The following CR1 variants were observed in gnomAD, a reference collection of about 807,000 sequenced individuals.
CR1 encodes complement receptor type 1.
Under a neutral mutation model 187.3 loss-of-function variants are expected in CR1, and 116 were observed. The ratio of observed to expected loss-of-function variants is 0.62; its 90% CI spans 0.53 to 0.72. The LOEUF (loss-of-function observed/expected upper bound fraction) is 0.72. Among genes scored for constraint, CR1 ranks in the 30% least tolerant of loss-of-function variants. CR1 has a pLI of 0.00. For synonymous variants in CR1, 576 were observed against 747.1 expected (o/e 0.77, Z 3.73); for missense variants, 1,731 against 2,110.7 (o/e 0.82, Z 3.52).
At chr1:207,597,393 A>C (rs886289104) in intron 35 of CR1, among the ~76,000 whole-genome samples, 2 of 152,222 alleles carry the variant, frequency 1.3e-5, no homozygotes, top group African/African-American at 4.8e-5. Context: ...AAGGAGGCAC[A>C]AGACCTGTGC....
chr1:207,506,830 T>C lies in CR1; in HGVS notation c.401+17T>C, dbSNP rs1231406032. 1.3e-6 allele frequency: 2 copies of C among 1,587,586 alleles called. No homozygotes were observed. Among genetic ancestry groups the C allele is most frequent in the South Asian group, 2.2e-5 (2 of 90,080 alleles). On this transcript the variant is annotated intron_variant, in intron 3 of 46. Coordinates refer to ENST00000367049, the MANE Select transcript of CR1 (RefSeq NM_000651.6). Reference sequence around the variant, plus strand: ...TACTAAAGGGTGAGTTGGCATCTCTTGAACCAACATCTCTTGGTTCAAGAG... The same window carrying C: ...TACTAAAGGGTGAGTTGGCATCTCTCGAACCAACATCTCTTGGTTCAAGAG...
intron 35 of CR1, among the ~76,000 whole-genome samples, chr1:207,592,228 T>A (rs1183333484): frequency 6.6e-6 from 1 of 152,102 alleles, no homozygotes; most frequent in African/African-American, 2.4e-5. Flanking sequence ...CAGCAGCACA[T>A]CAAAAAGCTT....
chr1:207,497,147 C>A (rs773111256), intron 1 of CR1, among the ~76,000 whole-genome samples: 1 of 152,148 alleles, frequency 6.6e-6, no homozygotes, highest in Non-Finnish European at 1.5e-5. Context: ...GCAAGGGAAG[C>A]CCCAGAACAT....
At position 207,609,547 on chromosome 1, in the gene CR1, G is replaced by C; in HGVS notation, c.6154G>C (p.Val2052Leu). ...TAPEVENAIR[V>L]PGNRSFFTLT... ...TCCAGAAGTTGAAAATGCAATTAGA[G>C]TACCAGGAAACAGGAGTTTCTTTAC... Residue 2052 changes from valine (V) to leucine (L), a missense_variant, in exon 37 of 47, where the codon GTA becomes CTA. Physicochemically the swap from Val to Leu is conservative, Grantham distance 32. Coordinates refer to ENST00000367049, the MANE Select transcript of CR1 (RefSeq NM_000651.6). 6.2e-7 allele frequency: 1 copy of C among 1,613,908 alleles called. No homozygotes were observed. Among genetic ancestry groups the C allele is most frequent in the Admixed American group, 1.7e-5 (1 of 59,988 alleles).
At chr1:207,517,991 T>G (rs1235603279) in intron 4 of CR1, among the ~76,000 whole-genome samples, 1 of 152,156 alleles carries the variant, frequency 6.6e-6, no homozygotes, top group Non-Finnish European at 1.5e-5. Context: ...ATTTTCTCTT[T>G]TATTGATTTC....
chr1:207,501,953 A>G (rs1298833400), intron 1 of CR1, among the ~76,000 whole-genome samples: 2 of 151,892 alleles, frequency 1.3e-5, no homozygotes, highest in Non-Finnish European at 2.9e-5. Flanking sequence ...AAGTGCTGTT[A>G]TCTATCAAAA....
chr1:207,506,102 G>C lies in CR1; in HGVS notation c.301+19G>C. The C allele has an allele frequency of 6.2e-7, 1 of 1,608,900 alleles. No homozygotes were observed. Among genetic ancestry groups the C allele is most frequent in the East Asian group, 2.2e-5 (1 of 44,824 alleles). ...TGCAGACGTAAGTAACTCTGGAGTG[G>C]GAACCCCCCTGTTAGTCAAACATCT... On this transcript the variant is annotated intron_variant, in intron 2 of 46. Coordinates refer to ENST00000367049, the MANE Select transcript of CR1 (RefSeq NM_000651.6).
At chr1:207,504,474 A>G (rs1659368310) in intron 1 of CR1, among the ~76,000 whole-genome samples, 1 of 149,276 alleles carries the variant, frequency 6.7e-6, no homozygotes, top group African/African-American at 2.5e-5. Context: ...AGACAAATGT[A>G]CAATAAATAA....
At chr1:207,579,645 C>T (rs3849266) in intron 29 of CR1, among the ~76,000 whole-genome samples, 35,076 of 152,176 alleles carry the variant, frequency 0.23, 4,944 homozygotes, top group East Asian at 0.33. Context: ...CATTGATCCA[C>T]TCCTTAATTT....
intron 13 of CR1, among the ~76,000 whole-genome samples, 175 bp downstream of exon 13, chr1:207,542,755 G>A (rs1383118089): frequency 1.3e-5 from 2 of 151,092 alleles, no homozygotes; most frequent in African/African-American, 4.9e-5. Flanking sequence ...CTGAAATTGA[G>A]AAGCAAAGCT....
chr1:207,526,128 C>T (rs982973213), intron 5 of CR1, among the ~76,000 whole-genome samples: 42 of 151,952 alleles, frequency 2.8e-4, no homozygotes, highest in African/African-American at 9.2e-4. Context: ...AGATTTTGTT[C>T]GACAGTTTCC....
chr1:207,587,057 C>G (rs1428593708), intron 33 of CR1, among the ~76,000 whole-genome samples: 2 of 152,146 alleles, frequency 1.3e-5, no homozygotes, highest in African/African-American at 4.8e-5. Context: ...TTAGCACAAA[C>G]ACATGAAGAT....
intron 42 of CR1, among the ~76,000 whole-genome samples, chr1:207,619,571 C>T (rs1662254600): frequency 6.6e-6 from 1 of 152,060 alleles, no homozygotes; most frequent in African/African-American, 2.4e-5. Context: ...CAGCGTGACC[C>T]CAGTGGCTCC....
intron 35 of CR1, among the ~76,000 whole-genome samples, chr1:207,596,057 A>ATATATC (rs61129485): frequency 1.6e-4 from 24 of 146,160 alleles, no homozygotes; most frequent in Non-Finnish European, 2.4e-4. Context: ...CTATATCTAT[A>ATATATC]TATATCTATA....
chr1:207,590,908 C>G (rs988236803), intron 35 of CR1, among the ~76,000 whole-genome samples: 3 of 152,070 alleles, frequency 2.0e-5, no homozygotes, highest in African/African-American at 7.3e-5. Context: ...GCTAACTATC[C>G]TAAATATATA....
intron 46 of CR1, among the ~76,000 whole-genome samples, chr1:207,634,778 G>A (rs1008709621): frequency 1.3e-5 from 2 of 152,092 alleles, no homozygotes; most frequent in Non-Finnish European, 2.9e-5. Flanking sequence ...TAGAAGAGGA[G>A]GACATGCTTT....
chr1:207,617,517 G>A lies in CR1; in HGVS notation c.6890-554G>A, dbSNP rs1188585159. 5.8e-3 allele frequency among the ~76,000 whole-genome samples: 409 copies of A among 70,476 alleles called. 26 individuals are homozygous for A. The highest frequency in any genetic ancestry group is 0.018 in the African/African-American group (391 of 21,792). The allele number at this position is 70,476 out of a possible 152,430, so 46.2% of individuals were successfully genotyped here. ...TATATATATATATATATGTGTGTGT[G>A]TGTGTGTGTGTGTGTGTGTGTATGT... is the stretch of plus-strand genomic sequence containing the variant. On this transcript the variant is annotated intron_variant, in intron 41 of 46. Transcript: ENST00000367049.
chr1:207,577,910 G>C lies in CR1; in HGVS notation c.4643G>C (p.Gly1548Ala). ...GTGGTGACCTACCGCTGCAATCTTG[G>C]AAGCAGAGGGAGAAAGGTGTTTGAG... ...GSVVTYRCNL[G>A]SRGRKVFELV... is the part of the protein sequence containing the mutation. The change falls in exon 29 of 47, where the codon GGA (glycine) becomes GCA (alanine). Residue 1548 changes from glycine to alanine, a missense_variant. Coordinates refer to ENST00000367049, the MANE Select transcript of CR1 (RefSeq NM_000651.6). 2 of 1,612,844 alleles carry C rather than the reference G, an allele frequency of 1.2e-6. No individual in the cohort carries two copies. Among genetic ancestry groups the C allele is most frequent in the Non-Finnish European group, 1.7e-6 (2 of 1,179,788 alleles).
intron 35 of CR1, among the ~76,000 whole-genome samples, chr1:207,591,926 CA>C (rs1225773021): frequency 6.6e-6 from 1 of 152,142 alleles, no homozygotes; most frequent in Non-Finnish European, 1.5e-5. Context: ...AGGCCAAAAA[CA>C]AGTTCTGAAA....
Sources: gnomAD v4.1 joint callset for allele counts (sites outside exome capture counted in the v4.1 genomes callset) on GRCh38, gnomAD v4.1.1 for gene constraint, MANE v1.5 for transcripts, NCBI Gene and HGNC (gene_info 2026-07-23, HGNC 2026-07-21) for gene names.